The following RORA variants were observed in gnomAD, a reference collection of about 807,000 sequenced individuals.
The protein encoded by RORA is RAR related orphan receptor A.
A neutral mutation model predicts 69.5 loss-of-function variants in RORA; 7 were observed. The ratio of observed to expected loss-of-function variants is 0.10; its 90% CI spans 0.06 to 0.19. The LOEUF is 0.19. Among genes scored for constraint, RORA ranks in the 10% least tolerant of loss-of-function variants. The pLI is 1.00. For synonymous variants in RORA, 261 were observed against 240.8 expected (o/e 1.08, Z -0.78); for missense variants, 457 against 663.0 (o/e 0.69, Z 3.41).
chr15:61,159,962 T>C (rs1035026323), intron 1 of RORA, among the ~76,000 whole-genome samples: 1 of 152,206 alleles, frequency 6.6e-6, no homozygotes, highest in Non-Finnish European at 1.5e-5. Context: ...AATCAAACGA[T>C]TGGGTAGTGG....
At chr15:60,683,152 A>T (rs1596122659) in intron 1 of RORA, among the ~76,000 whole-genome samples, 1 of 152,164 alleles carries the variant, frequency 6.6e-6, no homozygotes, top group East Asian at 1.9e-4. Flanking sequence ...CTGGAACTAC[A>T]GGCATGTGGC....
At chr15:61,223,636 C>T (rs141757740) in intron 1 of RORA, among the ~76,000 whole-genome samples, 111 of 152,314 alleles carry the variant, frequency 7.3e-4, no homozygotes, top group Non-Finnish European at 1.4e-3. Context: ...ATACTCAGAA[C>T]AGTGACCTTG....
intron 1 of RORA, among the ~76,000 whole-genome samples, chr15:60,920,053 G>A (rs1891996998): frequency 1.3e-5 from 2 of 152,074 alleles, no homozygotes; most frequent in Admixed American, 1.3e-4. Flanking sequence ...TAGTGGAAAG[G>A]AATAGGAAAG....
chr15:60,897,745 G>C (rs1433085031), intron 1 of RORA, among the ~76,000 whole-genome samples: 2 of 152,246 alleles, frequency 1.3e-5, no homozygotes, highest in Non-Finnish European at 2.9e-5. Context: ...TTAAATGAAA[G>C]AGGATGAACC....
chr15:60,723,343 T>A (rs1302621145), intron 1 of RORA, among the ~76,000 whole-genome samples: 1 of 152,062 alleles, frequency 6.6e-6, no homozygotes, highest in South Asian at 2.1e-4. Context: ...TCAAAACTGG[T>A]TGAGATTGAC....
Position 60,833,128 on chromosome 15 carries a change from A to T in RORA, c.167-154442T>A, listed in dbSNP as rs183319767. Among the ~76,000 whole-genome samples, 351 of 149,956 alleles carry T rather than the reference A, an allele frequency of 2.3e-3. 1 individual carries two copies. The highest frequency in any genetic ancestry group is 4.1e-3 in the Non-Finnish European group (274 of 67,530). ...ACCGTGTTAGCCAGGATGGTCTCGA[A>T]CTCCTGACCTCATGATCCGCCCGCC... is the stretch of plus-strand genomic sequence containing the variant. On this transcript the variant is annotated intron_variant, in intron 1 of 10. Coordinates refer to ENST00000335670, the MANE Select transcript of RORA (RefSeq NM_134261.3).
intron 1 of RORA, among the ~76,000 whole-genome samples, chr15:61,090,515 T>G (rs72739516): frequency 6.6e-6 from 1 of 152,210 alleles, no homozygotes; most frequent in African/African-American, 2.4e-5. Context: ...ATTGTGTAAT[T>G]TGGGAATGCT....
In RORA at chr15:60,816,103, T is replaced by C. The variant is rs373169681; in HGVS notation, c.167-137417A>G. On this transcript the variant is annotated intron_variant, in intron 1 of 10. Coordinates refer to ENST00000335670, the MANE Select transcript of RORA (RefSeq NM_134261.3). ...ATATGTATACTGTAAACAGTATATGTATTTATATACTGTAAACAGTATATG... is the reference window on the plus strand; with the variant it reads ...ATATGTATACTGTAAACAGTATATGCATTTATATACTGTAAACAGTATATG... Among the ~76,000 whole-genome samples the C allele has an allele frequency of 1.1e-4, 15 of 136,490 alleles. 1 individual carries two copies. The East Asian group carries it at 2.1e-3, about 19-fold the overall frequency. 89.5% of individuals were successfully genotyped at this position (136,490 alleles called of 152,430 possible). A position where few individuals can be genotyped will look rare whatever the true frequency, so the allele number is the denominator to read the frequency against.
chr15:60,964,767 T>C (rs1893504950), intron 1 of RORA, among the ~76,000 whole-genome samples: 1 of 152,192 alleles, frequency 6.6e-6, no homozygotes, highest in South Asian at 2.1e-4. Context: ...CTTCAATCAC[T>C]GCAGCCCTTT....
At chr15:60,715,835 A>G (rs1037379235) in intron 1 of RORA, among the ~76,000 whole-genome samples, 20 of 152,140 alleles carry the variant, frequency 1.3e-4, no homozygotes, top group African/African-American at 4.3e-4. Flanking sequence ...GGAAAGATCC[A>G]TTTTCTAGTT....
intron 1 of RORA, among the ~76,000 whole-genome samples, chr15:61,014,134 G>C (rs1184560440): frequency 6.6e-6 from 1 of 152,134 alleles, no homozygotes; most frequent in African/African-American, 2.4e-5. Context: ...TGGTCAAGTA[G>C]ATACAGCAGG....
At chr15:60,886,322 G>T (rs1350285849) in intron 1 of RORA, among the ~76,000 whole-genome samples, 1 of 152,138 alleles carries the variant, frequency 6.6e-6, no homozygotes, top group East Asian at 1.9e-4. Flanking sequence ...ACTGGACAAA[G>T]GTGAGCAGGT....
intron 1 of RORA, among the ~76,000 whole-genome samples, chr15:60,920,563 C>T (rs8039463): frequency 0.62 from 94,406 of 151,970 alleles, 30,015 homozygotes; most frequent in East Asian, 0.87. Context: ...GAACAACAGG[C>T]TGGGCACTAA....
chr15:61,187,459 G>T (rs534891729), intron 1 of RORA, among the ~76,000 whole-genome samples: 1 of 152,182 alleles, frequency 6.6e-6, no homozygotes, highest in Non-Finnish European at 1.5e-5. Context: ...GAGCCTCCAG[G>T]GGGAGGATAG....
intron 3 of RORA, among the ~76,000 whole-genome samples, chr15:60,517,419 C>T (rs1169745322): frequency 6.6e-6 from 1 of 150,428 alleles, no homozygotes; most frequent in Admixed American, 6.6e-5. Context: ...CCCGCCTCTT[C>T]TGTAAAGCAA....
intron 1 of RORA, among the ~76,000 whole-genome samples, chr15:60,894,878 C>T (rs1398080688): frequency 6.6e-6 from 1 of 152,174 alleles, no homozygotes; most frequent in South Asian, 2.1e-4. Context: ...ACAGGCACAG[C>T]AGGCAAGGCG....
intron 1 of RORA, among the ~76,000 whole-genome samples, chr15:61,017,615 G>A (rs759434177): frequency 1.2e-4 from 18 of 152,100 alleles, no homozygotes; most frequent in African/African-American, 1.9e-4. Flanking sequence ...ATATTTCAGC[G>A]TGGGGGAGGG....
At position 60,516,077 on chromosome 15, in the gene RORA, TTATTTATATA is replaced by T. The variant is rs2065905900; in HGVS notation, c.283-1330_283-1321del. Among the ~76,000 whole-genome samples, 15 of 30,410 alleles carry T rather than the reference TTATTTATATA, an allele frequency of 4.9e-4. 1 individual carries two copies. Among genetic ancestry groups the T allele is most frequent in the Non-Finnish European group, 1.1e-4 (2 of 17,876 alleles). 20.0% of individuals were successfully genotyped at this position (30,410 alleles called of 152,430 possible). A position where few individuals can be genotyped will look rare whatever the true frequency, so the allele number is the denominator to read the frequency against. On this transcript the variant is annotated intron_variant, in intron 3 of 10. Transcript: ENST00000335670. ...TATATTTATATATATTTATATATAT[TTATTTATATA>T]TATTTATATATATTTATATATTATA...
At chr15:60,628,656 T>C (rs2069655207) in intron 2 of RORA, among the ~76,000 whole-genome samples, 1 of 152,352 alleles carries the variant, frequency 6.6e-6, no homozygotes, top group Non-Finnish European at 1.5e-5. Flanking sequence ...ATTTAATTAA[T>C]GTTTATTGAA....
Sources: allele counts gnomAD v4.1 joint callset (sites outside exome capture counted in the v4.1 genomes callset), GRCh38; gene constraint gnomAD v4.1.1; transcripts MANE v1.5; gene names NCBI Gene and HGNC (gene_info 2026-07-23, HGNC 2026-07-21).